The following SVOPL variants were observed in gnomAD, a reference collection of about 807,000 sequenced individuals.
SVOPL encodes the protein putative transporter SVOPL.
In SVOPL, 60 loss-of-function variants were observed where a neutral mutation model predicts 61.0. The observed-to-expected ratio is 0.98, with a 90% CI of 0.80 to 1.22. The LOEUF (loss-of-function observed/expected upper bound fraction) is 1.22. SVOPL is among the 50% of genes most tolerant of loss of function. The pLI is 0.00. For missense variants in SVOPL, 662 were observed against 643.9 expected (o/e 1.03, Z -0.30); for synonymous variants, 279 against 250.0 (o/e 1.12, Z -1.09).
At chr7:138,680,041 C>T (rs1802665451) in intron 1 of SVOPL, among the ~76,000 whole-genome samples, 1 of 152,054 alleles carries the variant, frequency 6.6e-6, no homozygotes, top group Non-Finnish European at 1.5e-5. Context: ...CAGGCCTTGG[C>T]AATTTAACCA....
chr7:138,667,474 C>A (rs570388195), intron 4 of SVOPL, among the ~76,000 whole-genome samples: 6 of 152,280 alleles, frequency 3.9e-5, no homozygotes, highest in African/African-American at 1.4e-4. Flanking sequence ...GAAGATGAGA[C>A]CATTCTTCCA....
chr7:138,604,993 G>A (rs1190113530), intron 14 of SVOPL, among the ~76,000 whole-genome samples: 2 of 151,048 alleles, frequency 1.3e-5, no homozygotes, highest in Non-Finnish European at 3.0e-5. Context: ...AGATGGGAGG[G>A]TCACCTGAAG....
intron 1 of SVOPL, among the ~76,000 whole-genome samples, chr7:138,693,430 G>A (rs544975525): frequency 6.7e-6 from 1 of 150,352 alleles, no homozygotes; most frequent in Non-Finnish European, 1.5e-5. Context: ...TTGAGCCTAG[G>A]AGTTCCAATC....
chr7:138,621,880 A>G (rs1799596892), intron 13 of SVOPL, among the ~76,000 whole-genome samples: 1 of 147,224 alleles, frequency 6.8e-6, no homozygotes, highest in South Asian at 2.2e-4. Context: ...CTATCTATCT[A>G]TCTATCTATC....
At position 138,663,119 on chromosome 7, in the gene SVOPL, G is replaced by A. The variant is rs763591012; in HGVS notation, c.300C>T (p.Phe100=). Reference sequence around the variant, plus strand: ...CAGCCAGGAGGCCAAAGAGGATACTGAAAACCATGTAGCCAAAAAACACCA... The same window carrying A: ...CAGCCAGGAGGCCAAAGAGGATACTAAAAACCATGTAGCCAAAAAACACCA... ...TTMVFFGYMV[F]SILFGLLADR... The change falls in exon 5 of 16, where the codon TTC becomes TTT. Residue 100 remains phenylalanine (F), a synonymous_variant. Coordinates refer to ENST00000674285, the MANE Select transcript of SVOPL (RefSeq NM_001139456.2). 5 of 1,614,082 alleles carry A rather than the reference G, an allele frequency of 3.1e-6. No individual in the cohort carries two copies. The highest frequency in any genetic ancestry group is 4.2e-6 in the Non-Finnish European group (5 of 1,180,022).
intron 5 of SVOPL, chr7:138,661,786 T>C: frequency 2.2e-6 from 2 of 924,818 alleles, no homozygotes; most frequent in Non-Finnish European, 2.6e-6. Context: ...TCGGAGCATA[T>C]ATTCAGGGCA....
chr7:138,644,447 T>C (rs956206206), intron 9 of SVOPL, among the ~76,000 whole-genome samples: 2 of 152,176 alleles, frequency 1.3e-5, no homozygotes, highest in African/African-American at 4.8e-5. Flanking sequence ...CTCCCATCTA[T>C]TGACAATGAT....
chr7:138,677,027 C>G (rs1802581483), intron 3 of SVOPL, among the ~76,000 whole-genome samples: 1 of 151,934 alleles, frequency 6.6e-6, no homozygotes, highest in Admixed American at 6.6e-5. Flanking sequence ...CCTCAGCCTC[C>G]CGAGTAGCTG....
intron 1 of SVOPL, chr7:138,689,490 T>A: frequency 1.3e-6 from 1 of 745,046 alleles, no homozygotes; most frequent in Non-Finnish European, 2.2e-6. Context: ...GAAAAAGATA[T>A]CCCAGAAGAA....
At chr7:138,675,510 T>C (rs928136641) in intron 3 of SVOPL, among the ~76,000 whole-genome samples, 4 of 151,828 alleles carry the variant, frequency 2.6e-5, no homozygotes, top group African/African-American at 9.7e-5. Flanking sequence ...TGTGCCACCA[T>C]ACCCCGGTAA....
intron 1 of SVOPL, among the ~76,000 whole-genome samples, chr7:138,690,003 G>A (rs934954915): frequency 2.0e-5 from 3 of 152,056 alleles, no homozygotes; most frequent in Non-Finnish European, 4.4e-5. Flanking sequence ...AGATATGGGG[G>A]TGATGCATCT....
At chr7:138,700,691 T>TGGAC (rs1281861834) in intron 1 of SVOPL, among the ~76,000 whole-genome samples, 1 of 147,896 alleles carries the variant, frequency 6.8e-6, no homozygotes, top group Non-Finnish European at 1.5e-5. Context: ...GATGGATGGA[T>TGGAC]GGATGGATGG....
chr7:138,624,873 T>C (rs1189439440), intron 13 of SVOPL, among the ~76,000 whole-genome samples: 1 of 151,958 alleles, frequency 6.6e-6, no homozygotes, highest in African/African-American at 2.4e-5. Context: ...CTGGCTAATT[T>C]TTAATTTTTG....
intron 6 of SVOPL, among the ~76,000 whole-genome samples, chr7:138,657,794 T>C (rs553082529): frequency 9.8e-5 from 15 of 152,302 alleles, no homozygotes; most frequent in African/African-American, 3.6e-4. Context: ...AATTAGGTGC[T>C]TTGACATCTC....
rs35924408 is a variant in SVOPL at position 138,672,656 on chromosome 7, T to TTAAAAAAAAAAAAA, written c.175-540_175-539insTTTTTTTTTTTTTA. Among the ~76,000 whole-genome samples, 9 of 118,856 alleles carry TTAAAAAAAAAAAAA rather than the reference T, an allele frequency of 7.6e-5. 1 individual carries two copies. Among genetic ancestry groups the TTAAAAAAAAAAAAA allele is most frequent in the African/African-American group, 3.0e-4 (9 of 29,998 alleles). 78.0% of individuals were successfully genotyped at this position (118,856 alleles called of 152,430 possible). On this transcript the variant is annotated intron_variant, in intron 3 of 15. Coordinates refer to ENST00000674285, the MANE Select transcript of SVOPL (RefSeq NM_001139456.2). ...GCAGGAAAGTGTTTTTTTTTGTGTT[T>TTAAAAAAAAAAAAA]AAAAAAAAAAAAAAAAAAAGAAGCA...
At chr7:138,674,584 C>T (rs544148481) in intron 3 of SVOPL, among the ~76,000 whole-genome samples, 11 of 149,158 alleles carry the variant, frequency 7.4e-5, no homozygotes, top group African/African-American at 1.5e-4. Context: ...AGGCTGGGTG[C>T]GGTGGCTCAC....
chr7:138,665,719 T>A (rs1802236045), intron 4 of SVOPL, among the ~76,000 whole-genome samples: 1 of 152,292 alleles, frequency 6.6e-6, no homozygotes, highest in African/African-American at 2.4e-5. Context: ...GAGGTGCATA[T>A]ACACAAGCCA....
chr7:138,598,354 A>G (rs1180624747), intron 14 of SVOPL, among the ~76,000 whole-genome samples: 2 of 152,234 alleles, frequency 1.3e-5, no homozygotes, highest in Non-Finnish European at 2.9e-5. Context: ...TGTTAGAAAT[A>G]AAAGGAAAAA....
chr7:138,620,268 G>A (rs1226846970), intron 14 of SVOPL, among the ~76,000 whole-genome samples: 1 of 150,552 alleles, frequency 6.6e-6, no homozygotes, highest in East Asian at 2.0e-4. Context: ...CTACAGGAGA[G>A]CACCACCATG....
Sources: allele counts gnomAD v4.1 joint callset (sites outside exome capture counted in the v4.1 genomes callset), GRCh38; gene constraint gnomAD v4.1.1; transcripts MANE v1.5; gene names NCBI Gene and HGNC (gene_info 2026-07-23, HGNC 2026-07-21).